Variants in FRAS1 observed in about 807,000 individuals in gnomAD.
FRAS1 encodes Fraser extracellular matrix complex subunit 1.
FRAS1 carries 290 observed loss-of-function variants against 435.2 expected under a neutral mutation model. That is an observed-to-expected ratio of 0.67 (90% CI 0.61 to 0.73). The LOEUF is 0.73. Among genes scored for constraint, FRAS1 ranks in the 30% least tolerant of loss-of-function variants. The pLI, the probability that FRAS1 is intolerant of heterozygous loss-of-function variation, is 0.00. For synonymous variants in FRAS1, 1,800 were observed against 1,851.0 expected (o/e 0.97, Z 0.71); for missense variants, 4,860 against 5,001.5 (o/e 0.97, Z 0.85).
chr4:78,237,622 G>A lies in FRAS1; in HGVS notation c.216+5G>A, dbSNP rs756605992. 1.7e-5 allele frequency: 27 copies of A among 1,551,208 alleles called. No individual in the cohort carries two copies. The highest frequency in any genetic ancestry group is 1.7e-4 in the Middle Eastern group (1 of 5,948). On this transcript the variant is annotated splice_donor_5th_base_variant and intron_variant, in intron 3 of 73. Coordinates refer to ENST00000512123, the MANE Select transcript of FRAS1 (RefSeq NM_025074.7). ...CCTCAATGTGCCTTTGAGAAGGTAC[G>A]GTATCCTAATTGTGTCCTAAATGTA...
intron 47 of FRAS1, among the ~76,000 whole-genome samples, chr4:78,453,721 G>C (rs1243581841): frequency 1.4e-5 from 2 of 147,468 alleles, no homozygotes; most frequent in African/African-American, 5.1e-5. Context: ...GATTGCTTGA[G>C]CCTGGGATTT....
intron 2 of FRAS1, among the ~76,000 whole-genome samples, chr4:78,230,855 C>A (rs1724486271): frequency 6.6e-6 from 1 of 152,192 alleles, no homozygotes. Context: ...TAAATTCCCT[C>A]CCCCATGACA....
At chr4:78,369,751 TC>T (rs1190764928) in intron 22 of FRAS1, 86 bp from the exon 23 acceptor site, 3 of 1,243,928 alleles carry the variant, frequency 2.4e-6, no homozygotes, top group Non-Finnish European at 3.3e-6. Context: ...AAGGCTTTGT[TC>T]CTATGCAACA....
intron 1 of FRAS1, among the ~76,000 whole-genome samples, chr4:78,060,301 T>C (rs1363804494): frequency 6.6e-6 from 1 of 152,194 alleles, no homozygotes; most frequent in Admixed American, 6.5e-5. Flanking sequence ...TCAAGGATCT[T>C]AGAAATCTCC....
intron 18 of FRAS1, chr4:78,319,289 A>G (rs1729403701): frequency 1.9e-6 from 1 of 518,952 alleles, no homozygotes; most frequent in Non-Finnish European, 3.7e-6. Flanking sequence ...CAAAAGACTC[A>G]GAGCTCATTG....
rs373089932 is a variant in FRAS1, at chr4:78,407,806, G to A, written c.4273G>A (p.Gly1425Arg). The change falls in exon 31 of 74, where the codon GGA becomes AGA. Residue 1425 changes from glycine (G) to arginine (R), a missense_variant. Physicochemically the swap from Gly to Arg is moderately radical, Grantham distance 125. Coordinates refer to ENST00000512123, the MANE Select transcript of FRAS1 (RefSeq NM_025074.7). ...NEGIVWYRHS[G>R]APAQSDSFRF... ...AGGCATCGTATGGTACAGGCACTCAGGAGCCCCAGCCCAGAGCGACTCCTT... is the reference window on the plus strand; with the variant it reads ...AGGCATCGTATGGTACAGGCACTCAAGAGCCCCAGCCCAGAGCGACTCCTT... 4.2e-5 allele frequency: 68 copies of A among 1,611,870 alleles called. No homozygotes were observed. The highest frequency in any genetic ancestry group is 5.5e-5 in the Non-Finnish European group (65 of 1,178,892).
At chr4:78,191,520 G>C (rs1560572390) in intron 2 of FRAS1, among the ~76,000 whole-genome samples, 1 of 129,106 alleles carries the variant, frequency 7.7e-6, no homozygotes, top group South Asian at 2.9e-4. Flanking sequence ...CTCGGGATTT[G>C]TTTGTATTAT....
chr4:78,491,390 T>C (rs1366706649), intron 59 of FRAS1, among the ~76,000 whole-genome samples: 3 of 152,164 alleles, frequency 2.0e-5, no homozygotes, highest in Non-Finnish European at 4.4e-5. Context: ...TGAACATCAA[T>C]GCGAAAATAC....
In FRAS1 at chr4:78,445,014, C is replaced by T. The variant is rs71611020; in HGVS notation, c.5666-508C>T. ...TGAAAACATGCTGCAAATGTTTCTTCGATTAAAAGATACACAGTTAACACT... is the reference window on the plus strand; with the variant it reads ...TGAAAACATGCTGCAAATGTTTCTTTGATTAAAAGATACACAGTTAACACT... On this transcript the variant is annotated intron_variant, in intron 41 of 73. Transcript: ENST00000512123. 5.9e-3 allele frequency among the ~76,000 whole-genome samples: 904 copies of T among 152,182 alleles called. 6 individuals are homozygous for T. Among genetic ancestry groups the T allele is most frequent in the Non-Finnish European group, 9.3e-3 (631 of 68,008 alleles).
At chr4:78,397,962 AT>A (rs375320515) in intron 29 of FRAS1, among the ~76,000 whole-genome samples, 4,788 of 149,774 alleles carry the variant, frequency 0.032, 186 homozygotes, top group African/African-American at 0.091. Context: ...TCTATTGTTG[AT>A]TTTTTTTTTC....
chr4:78,113,553 T>G (rs866572162), intron 2 of FRAS1, among the ~76,000 whole-genome samples: 4 of 152,370 alleles, frequency 2.6e-5, no homozygotes, highest in Middle Eastern at 3.4e-3. Context: ...CATTGTGGTT[T>G]TGATTTGCAT....
chr4:78,200,787 A>T (rs190685456), intron 2 of FRAS1, among the ~76,000 whole-genome samples: 17 of 148,462 alleles, frequency 1.1e-4, no homozygotes, highest in Admixed American at 2.0e-4. Context: ...TCATCACTCA[A>T]AGTAGCTGTA....
At chr4:78,430,127 A>G (rs573587522) in intron 36 of FRAS1, among the ~76,000 whole-genome samples, 165 bp from the exon 37 acceptor site, 1 of 152,276 alleles carries the variant, frequency 6.6e-6, no homozygotes, top group African/African-American at 2.4e-5. Flanking sequence ...TGACTGTATT[A>G]TCTGTTTTTA....
intron 17 of FRAS1, 31 bp downstream of exon 17, chr4:78,317,539 G>A (rs559059589): frequency 6.3e-7 from 1 of 1,586,134 alleles, no homozygotes; most frequent in Non-Finnish European, 8.6e-7. Flanking sequence ...ATTCTTGAGA[G>A]GCTATCCCAC....
At chr4:78,372,976 G>C (rs1731576007) in intron 24 of FRAS1, 118 bp downstream of exon 24, 7 of 1,165,900 alleles carry the variant, frequency 6.0e-6, no homozygotes, top group Non-Finnish European at 8.3e-6. Context: ...CCCATTTCTG[G>C]TTTCTTTCCT....
chr4:78,136,267 T>TGGGA (rs1422681842), intron 2 of FRAS1, among the ~76,000 whole-genome samples: 1 of 152,184 alleles, frequency 6.6e-6, no homozygotes, highest in Non-Finnish European at 1.5e-5. Context: ...GTCTACAGTA[T>TGGGA]GGGAGCTGAA....
At chr4:78,243,372 C>T (rs995687641) in intron 3 of FRAS1, among the ~76,000 whole-genome samples, 5 of 152,040 alleles carry the variant, frequency 3.3e-5, no homozygotes, top group Non-Finnish European at 5.9e-5. Flanking sequence ...ATCTTGCCCC[C>T]AGCGATCTTC....
chr4:78,374,655 T>G (rs1015801263), intron 25 of FRAS1, among the ~76,000 whole-genome samples: 5 of 152,202 alleles, frequency 3.3e-5, no homozygotes, highest in Non-Finnish European at 7.3e-5. Context: ...ATGGGATTTT[T>G]GGGGACAATT....
intron 2 of FRAS1, among the ~76,000 whole-genome samples, chr4:78,127,345 C>A (rs776325850): frequency 6.6e-6 from 1 of 152,090 alleles, no homozygotes; most frequent in Non-Finnish European, 1.5e-5. Context: ...TGGACTCTAT[C>A]TCATGGAAAT....
Sources: gnomAD v4.1 joint callset for allele counts (sites outside exome capture counted in the v4.1 genomes callset) on GRCh38, gnomAD v4.1.1 for gene constraint, MANE v1.5 for transcripts, NCBI Gene and HGNC (gene_info 2026-07-23, HGNC 2026-07-21) for gene names.